Variants in CFAP61 observed in about 807,000 individuals in gnomAD.
CFAP61 encodes the protein cilia and flagella associated protein 61, also known as cilia- and flagella-associated protein 61.
Under a neutral mutation model 135.6 loss-of-function variants are expected in CFAP61, and 107 were observed. The observed-to-expected ratio is 0.79, with a 90% CI of 0.67 to 0.93. CFAP61 has a LOEUF of 0.93. Among genes scored for constraint, CFAP61 ranks in the 40% least tolerant of loss-of-function variants. The pLI, the probability that CFAP61 is intolerant of heterozygous loss-of-function variation, is 0.00. For synonymous variants in CFAP61, 575 were observed against 578.5 expected (o/e 0.99, Z 0.09); for missense variants, 1,507 against 1,556.2 (o/e 0.97, Z 0.53).
chr20:20,057,569 A>G (rs1453779971), intron 2 of CFAP61, among the ~76,000 whole-genome samples: 1 of 152,220 alleles, frequency 6.6e-6, no homozygotes, highest in Admixed American at 6.5e-5. Flanking sequence ...ATTTGTTCAC[A>G]GCCGCTGCTG....
intron 25 of CFAP61, among the ~76,000 whole-genome samples, chr20:20,299,727 G>A (rs941622328): frequency 3.3e-5 from 5 of 152,288 alleles, no homozygotes; most frequent in Middle Eastern, 6.8e-3. Context: ...GCTGTGGTTC[G>A]TTTGTTCTCC....
intron 6 of CFAP61, among the ~76,000 whole-genome samples, chr20:20,083,878 A>T (rs2046607327): frequency 1.3e-5 from 2 of 152,240 alleles, no homozygotes; most frequent in Non-Finnish European, 2.9e-5. Context: ...CATAATTTTT[A>T]AAATCATGAC....
chr20:20,267,315 G>A (rs549556803), intron 21 of CFAP61, among the ~76,000 whole-genome samples: 72 of 152,338 alleles, frequency 4.7e-4, no homozygotes, highest in African/African-American at 1.7e-3. Flanking sequence ...GCATGGGCAG[G>A]GACAGACACT....
chr20:20,101,600 T>TC (rs2048025549), intron 8 of CFAP61, among the ~76,000 whole-genome samples: 1 of 151,682 alleles, frequency 6.6e-6, no homozygotes, highest in Admixed American at 6.6e-5. Context: ...ATGAGTTTTT[T>TC]CACTTTATTT....
At chr20:20,345,355 A>C (rs1217210901) in intron 26 of CFAP61, among the ~76,000 whole-genome samples, 1 of 152,252 alleles carries the variant, frequency 6.6e-6, no homozygotes, top group Non-Finnish European at 1.5e-5. Flanking sequence ...CTGTATCAAA[A>C]TATCACATGT....
intron 25 of CFAP61, among the ~76,000 whole-genome samples, chr20:20,302,641 GAC>G (rs1209152364): frequency 6.6e-6 from 1 of 152,134 alleles, no homozygotes; most frequent in Non-Finnish European, 1.5e-5. Flanking sequence ...CAGCCTGGGC[GAC>G]AGAGTGAGAC....
At chr20:20,322,847 A>C (rs1203318082) in intron 25 of CFAP61, 4 of 985,250 alleles carry the variant, frequency 4.1e-6, no homozygotes, top group Non-Finnish European at 4.8e-6. Flanking sequence ...TTCATCTTGC[A>C]TTAATGAAAA....
intron 22 of CFAP61, among the ~76,000 whole-genome samples, chr20:20,277,941 G>C (rs1409501171): frequency 6.6e-6 from 1 of 152,294 alleles, no homozygotes; most frequent in East Asian, 1.9e-4. Flanking sequence ...GGAGAGAGAG[G>C]CAGTGTCAGC....
intron 25 of CFAP61, among the ~76,000 whole-genome samples, chr20:20,341,013 C>T (rs999017430): frequency 4.6e-5 from 7 of 152,026 alleles, no homozygotes; most frequent in Admixed American, 2.0e-4. Context: ...CGGAAGGTGC[C>T]CATTCACGTG....
At chr20:20,067,868 GACC>G in intron 2 of CFAP61, among the ~76,000 whole-genome samples, 1 of 149,494 alleles carries the variant, frequency 6.7e-6, no homozygotes, top group Admixed American at 6.7e-5. Flanking sequence ...TGCTATGGGG[GACC>G]TAGTGACTAA....
At chr20:20,257,882 T>C (rs189084118) in intron 20 of CFAP61, among the ~76,000 whole-genome samples, 2 of 152,274 alleles carry the variant, frequency 1.3e-5, no homozygotes, top group Non-Finnish European at 2.9e-5. Context: ...AGAGTACTAT[T>C]TCAGTGTTGA....
At chr20:20,195,172 C>T (rs1242671485) in intron 15 of CFAP61, among the ~76,000 whole-genome samples, 1 of 152,180 alleles carries the variant, frequency 6.6e-6, no homozygotes, top group Non-Finnish European at 1.5e-5. Context: ...AGCTCTGTTT[C>T]CTCTGTGCTT....
intron 2 of CFAP61, among the ~76,000 whole-genome samples, chr20:20,069,439 C>G (rs780276663): frequency 2.6e-4 from 40 of 152,070 alleles, no homozygotes; most frequent in Non-Finnish European, 5.4e-4. Flanking sequence ...ACCACCACAC[C>G]CGGCTAATTT....
In CFAP61 at chr20:20,235,185, G is replaced by T. The variant is rs866302140; in HGVS notation, c.2060+6809G>T. Among the ~76,000 whole-genome samples the T allele has an allele frequency of 8.5e-5, 13 of 152,176 alleles. No individual in the cohort carries two copies. The South Asian group carries it at 1.7e-3, about 19-fold the overall frequency. ...TGGAGTCTGCAGAACATCCTCCTAA[G>T]AGACTCATGTCTCTCAGATATTTAA... On this transcript the variant is annotated intron_variant, in intron 18 of 26. Transcript: ENST00000245957.
At chr20:20,272,790 C>T (rs935661071) in intron 21 of CFAP61, among the ~76,000 whole-genome samples, 1 of 152,154 alleles carries the variant, frequency 6.6e-6, no homozygotes, top group Non-Finnish European at 1.5e-5. Context: ...GTCTCTGCCC[C>T]CCTTTCTTTC....
intron 17 of CFAP61, among the ~76,000 whole-genome samples, chr20:20,204,549 G>T (rs2056776602): frequency 6.6e-6 from 1 of 152,086 alleles, no homozygotes; most frequent in Non-Finnish European, 1.5e-5. Context: ...TTTCACTTGT[G>T]CATCTGCTGC....
intron 8 of CFAP61, among the ~76,000 whole-genome samples, chr20:20,116,571 G>A (rs529271079): frequency 5.9e-5 from 9 of 152,220 alleles, no homozygotes; most frequent in African/African-American, 2.2e-4. Flanking sequence ...TCAGGTCTTA[G>A]ATTTAAGATT....
chr20:20,274,383 A>T (rs1484501245), intron 21 of CFAP61, among the ~76,000 whole-genome samples: 1 of 152,260 alleles, frequency 6.6e-6, no homozygotes, highest in Non-Finnish European at 1.5e-5. Context: ...AAATTGGGCC[A>T]GATGCAGAGG....
intron 9 of CFAP61, among the ~76,000 whole-genome samples, chr20:20,152,520 G>A (rs979303386): frequency 1.3e-5 from 2 of 152,162 alleles, no homozygotes; most frequent in Admixed American, 6.5e-5. Context: ...CAGTCAATGG[G>A]TGGAAAAAGT....
Sources: gnomAD v4.1 joint callset for allele counts (sites outside exome capture counted in the v4.1 genomes callset) on GRCh38, gnomAD v4.1.1 for gene constraint, MANE v1.5 for transcripts, NCBI Gene and HGNC (gene_info 2026-07-23, HGNC 2026-07-21) for gene names.